HDDC2: variants seen among roughly 807,000 people sequenced by gnomAD.
HDDC2 encodes HD domain containing 2.
Under a neutral mutation model 25.5 loss-of-function variants are expected in HDDC2, and 25 were observed. The observed-to-expected ratio is 0.98, with a 90% CI of 0.72 to 1.37. The LOEUF (loss-of-function observed/expected upper bound fraction) is 1.37. Among genes scored for constraint, HDDC2 ranks in the 40% most tolerant of loss-of-function variants. HDDC2 has a pLI of 0.00. For synonymous variants in HDDC2, 106 were observed against 89.7 expected (o/e 1.18, Z -1.03); for missense variants, 264 against 253.1 (o/e 1.04, Z -0.29).
At chr6:125,299,871 TCTC>T (rs1409392680) in intron 2 of HDDC2, among the ~76,000 whole-genome samples, 1 of 152,142 alleles carries the variant, frequency 6.6e-6, no homozygotes, top group Non-Finnish European at 1.5e-5. Flanking sequence ...TGCAGTGACT[TCTC>T]CTACCTCTCT....
chr6:125,283,878 A>G (rs1401799397), intron 4 of HDDC2, among the ~76,000 whole-genome samples: 6 of 152,214 alleles, frequency 3.9e-5, no homozygotes, highest in Non-Finnish European at 8.8e-5. Context: ...ACCAAAAAGA[A>G]CAAAACTGAA....
chr6:125,294,260 A>T (rs1798672740), intron 3 of HDDC2, among the ~76,000 whole-genome samples: 1 of 152,172 alleles, frequency 6.6e-6, no homozygotes, highest in Admixed American at 6.5e-5. Context: ...ATAAAATTGG[A>T]CATTTGTGTG....
At chr6:125,300,456 T>C in intron 2 of HDDC2, 82 bp downstream of exon 2, 1 of 1,489,276 alleles carries the variant, frequency 6.7e-7, no homozygotes, top group Non-Finnish European at 9.0e-7. Context: ...TACAAGGATT[T>C]GACATGGGTC....
At chr6:125,284,243 A>G (rs1458923003) in intron 4 of HDDC2, among the ~76,000 whole-genome samples, 1 of 152,236 alleles carries the variant, frequency 6.6e-6, no homozygotes, top group Non-Finnish European at 1.5e-5. Flanking sequence ...CATTCAGGAC[A>G]TAAGCATAGG....
intron 4 of HDDC2, among the ~76,000 whole-genome samples, chr6:125,284,643 T>A (rs548129551): frequency 6.6e-6 from 1 of 152,264 alleles, no homozygotes; most frequent in East Asian, 1.9e-4. Context: ...AGAATGGCAA[T>A]CATTAAAAAG....
intron 4 of HDDC2, 93 bp from the exon 5 acceptor site, chr6:125,277,333 C>A: frequency 8.5e-7 from 1 of 1,175,136 alleles, no homozygotes. Flanking sequence ...ATCAGAGTGA[C>A]AGCTACAAGT....
In HDDC2 at chr6:125,277,218, G is replaced by A. The variant is rs772670912; in HGVS notation, c.401C>T (p.Ala134Val). 1 of 1,614,062 alleles carries A rather than the reference G, an allele frequency of 6.2e-7. No homozygotes were observed. Among genetic ancestry groups the A allele is most frequent in the Non-Finnish European group, 8.5e-7 (1 of 1,179,966 alleles). Residue 134 changes from alanine (A) to valine (V), a missense_variant, in exon 5 of 6, where the codon GCA becomes GTA. Coordinates refer to ENST00000398153, the MANE Select transcript of HDDC2 (RefSeq NM_016063.3). ...TAGCTGCTTCACAAATTTGGCTTCT[G>A]CACTAGATTGGGTCTCGTACTCCTA... ...LWEEYETQSS[A>V]EAKFVKQLDQ...
intron 4 of HDDC2, among the ~76,000 whole-genome samples, chr6:125,290,739 C>T (rs2115111599): frequency 6.6e-6 from 1 of 152,142 alleles, no homozygotes; most frequent in East Asian, 1.9e-4. Flanking sequence ...GAAGAATCCT[C>T]CTTTTGCTTT....
At chr6:125,296,827 G>A (rs986346008) in intron 3 of HDDC2, among the ~76,000 whole-genome samples, 1 of 152,162 alleles carries the variant, frequency 6.6e-6, no homozygotes, top group East Asian at 1.9e-4. Flanking sequence ...CTGTCCATGG[G>A]GTGTCACCAG....
intron 1 of HDDC2, 39 bp from the exon 2 acceptor site, chr6:125,300,698 A>C: frequency 6.3e-7 from 1 of 1,595,608 alleles, no homozygotes; most frequent in Non-Finnish European, 8.6e-7. Context: ...TTTAAAGAAC[A>C]AATATTAACT....
At position 125,298,707 on chromosome 6, in the gene HDDC2, C is replaced by T. The variant is rs1439230157; in HGVS notation, c.309+7G>A. On this transcript the variant is annotated splice_region_variant and intron_variant, in intron 3 of 5. Coordinates refer to ENST00000398153, the MANE Select transcript of HDDC2 (RefSeq NM_016063.3). The stretch of plus-strand genomic sequence containing the variant: ...GGTTTTTTGCACAGTCAATAGTCAA[C>T]ACTGACCTCTTCTCGCCTATGTTTT... 1 of 1,609,972 alleles carries T rather than the reference C, an allele frequency of 6.2e-7. No homozygotes were observed.
rs372265104 is a variant in HDDC2, at chr6:125,298,774, G to A, written c.249C>T (p.Ile83=). 1.2e-5 allele frequency: 19 copies of A among 1,614,050 alleles called. No individual in the cohort carries two copies. Among genetic ancestry groups the A allele is most frequent in the East Asian group, 1.1e-4 (5 of 44,874 alleles). Residue 83 remains isoleucine, a synonymous_variant, in exon 3 of 6, where the codon ATC becomes ATT. Coordinates refer to ENST00000398153, the MANE Select transcript of HDDC2 (RefSeq NM_016063.3). ...LALVHDMAEC[I]VGDIAPADNI... is the part of the protein sequence containing the mutation. Reference sequence around the variant, plus strand: ...TATCTGCTGGTGCTATGTCCCCAACGATGCATTCTGCCATATCATGAACCA... The same window carrying A: ...TATCTGCTGGTGCTATGTCCCCAACAATGCATTCTGCCATATCATGAACCA...
At chr6:125,298,653 G>C in intron 3 of HDDC2, 61 bp downstream of exon 3, 1 of 1,229,626 alleles carries the variant, frequency 8.1e-7, no homozygotes. Flanking sequence ...CATAAACTTA[G>C]CTTTGCTTCA....
intron 4 of HDDC2, among the ~76,000 whole-genome samples, chr6:125,281,776 TC>T (rs1410712074): frequency 6.6e-6 from 1 of 152,128 alleles, no homozygotes; most frequent in Non-Finnish European, 1.5e-5. Flanking sequence ...TAAACACACT[TC>T]AGGATATTAT....
chr6:125,292,143 G>T (rs181530170), intron 4 of HDDC2, among the ~76,000 whole-genome samples: 3 of 152,188 alleles, frequency 2.0e-5, no homozygotes, highest in Non-Finnish European at 4.4e-5. Context: ...TGAATAAGGG[G>T]AGGCTTAGGG....
In HDDC2 at chr6:125,300,554, G is replaced by C. The variant is rs12213371; in HGVS notation, c.190C>G (p.Arg64Gly). The change falls in exon 2 of 6, where the codon CGT (arginine) becomes GGT (glycine). Residue 64 changes from arginine to glycine, a missense_variant. Coordinates refer to ENST00000398153, the MANE Select transcript of HDDC2 (RefSeq NM_016063.3). ...TCAGCTTACCGGTCTTTGTTAAGAC[G>C]GTCATCTTTGATCACCATAGCCATA... Reference protein sequence around the residue: ...AVMAMVIKDDRLNKDRCVRLA... With the variant: ...AVMAMVIKDDGLNKDRCVRLA... 7 of 1,613,796 alleles carry C rather than the reference G, an allele frequency of 4.3e-6. No individual in the cohort carries two copies. In the Admixed American group the frequency reaches 8.3e-5, roughly 19 times the overall value.
intron 4 of HDDC2, among the ~76,000 whole-genome samples, chr6:125,287,337 G>C (rs1300158045): frequency 3.9e-5 from 6 of 152,136 alleles, no homozygotes; most frequent in African/African-American, 1.4e-4. Context: ...TTGGGGGAGG[G>C]TGTTTCGATT....
chr6:125,293,522 T>A (rs777195982), intron 3 of HDDC2, among the ~76,000 whole-genome samples: 9 of 152,198 alleles, frequency 5.9e-5, no homozygotes, highest in Non-Finnish European at 1.0e-4. Flanking sequence ...ATCCATGTAG[T>A]ATCTGAACCC....
chr6:125,300,763 T>C, intron 1 of HDDC2, 104 bp from the exon 2 acceptor site: 1 of 1,160,098 alleles, frequency 8.6e-7, no homozygotes, highest in African/African-American at 1.5e-5. Context: ...AGCCGGGTCA[T>C]AATTTCAGAA....
Sources: gnomAD v4.1 joint callset for allele counts (sites outside exome capture counted in the v4.1 genomes callset) on GRCh38, gnomAD v4.1.1 for gene constraint, MANE v1.5 for transcripts, NCBI Gene and HGNC (gene_info 2026-07-23, HGNC 2026-07-21) for gene names.